Variants in LMNB2 observed in about 807,000 individuals in gnomAD.
The protein encoded by LMNB2 is lamin B2.
Under a neutral mutation model 69.3 loss-of-function variants are expected in LMNB2, and 17 were observed. The observed-to-expected ratio is 0.25, with a 90% CI of 0.17 to 0.37. The LOEUF (loss-of-function observed/expected upper bound fraction) is 0.37, where lower values mean the gene tolerates loss of function less well. LMNB2 is among the 10% of genes least tolerant of loss of function. The pLI is 1.00. For missense variants in LMNB2, 789 were observed against 883.6 expected (o/e 0.89, Z 1.36); for synonymous variants, 397 against 389.3 (o/e 1.02, Z -0.23).
intron 6 of LMNB2, 31 bp from the exon 7 acceptor site, chr19:2,434,546 G>A: frequency 1.2e-6 from 2 of 1,602,538 alleles, no homozygotes; most frequent in Non-Finnish European, 1.7e-6. Context: ...GAAGGTCAGG[G>A]CAGCCCATGG....
At chr19:2,441,488 G>A (rs1971900210) in intron 2 of LMNB2, among the ~76,000 whole-genome samples, 1 of 152,240 alleles carries the variant, frequency 6.6e-6, no homozygotes, top group African/African-American at 2.4e-5. Context: ...CCGCATCTCT[G>A]AGCACATGCC....
intron 1 of LMNB2, among the ~76,000 whole-genome samples, chr19:2,446,564 C>T (rs1341675152): frequency 6.6e-6 from 1 of 152,212 alleles, no homozygotes; most frequent in Non-Finnish European, 1.5e-5. Flanking sequence ...TCCCACAGGG[C>T]CATGCACTCA....
intron 8 of LMNB2, among the ~76,000 whole-genome samples, chr19:2,432,980 G>A (rs56035703): frequency 6.3e-5 from 3 of 47,328 alleles, no homozygotes; most frequent in Admixed American, 2.4e-4. Context: ...CGGTCTTTCC[G>A]GTCACCTTGT....
intron 4 of LMNB2, among the ~76,000 whole-genome samples, chr19:2,436,180 G>A (rs1272576659): frequency 6.6e-6 from 1 of 152,170 alleles, no homozygotes; most frequent in East Asian, 1.9e-4. Context: ...CTACTCAGGA[G>A]GCTGAGGCAG....
chr19:2,430,998 T>G, intron 11 of LMNB2, 46 bp from the exon 12 acceptor site: 1 of 1,391,290 alleles, frequency 7.2e-7, no homozygotes, highest in Non-Finnish European at 1.0e-6. Flanking sequence ...AGGGCCAGCC[T>G]GGAGGCAGCC....
At chr19:2,446,658 C>T (rs1203343787) in intron 1 of LMNB2, among the ~76,000 whole-genome samples, 2 of 152,214 alleles carry the variant, frequency 1.3e-5, no homozygotes, top group African/African-American at 2.4e-5. Context: ...GACAGACAGT[C>T]GCAGGTGCGG....
chr19:2,433,713 CCGGT>C (rs1971778434), intron 8 of LMNB2, 109 bp downstream of exon 8: 1 of 1,359,860 alleles, frequency 7.4e-7, no homozygotes, highest in African/African-American at 1.8e-5. Context: ...CCCGGTCATT[CCGGT>C]CACCTTGTCC....
chr19:2,453,980 C>A lies in LMNB2; in HGVS notation c.264+2690G>T, dbSNP rs1213050229. ...GCTCCAAGAGACACAGGGGCCTGCC[C>A]AAAGCCACACTAATTGAAAAGCAGG... On this transcript the variant is annotated intron_variant, in intron 1 of 11. Transcript: ENST00000325327. The surrounding 1 kb of genome is among the most constrained non-coding windows in gnomAD (Gnocchi z 4.4). Among the ~76,000 whole-genome samples, 1 of 152,178 alleles carries A rather than the reference C, an allele frequency of 6.6e-6. No homozygotes were observed. The highest frequency in any genetic ancestry group is 2.4e-5 in the African/African-American group (1 of 41,448).
At chr19:2,438,881 G>A (rs1971859661) in intron 2 of LMNB2, among the ~76,000 whole-genome samples, 1 of 152,134 alleles carries the variant, frequency 6.6e-6, no homozygotes, top group Non-Finnish European at 1.5e-5. Flanking sequence ...GGCCTTTGAA[G>A]GGTCAGCCTT....
chr19:2,436,674 C>G (rs1457131144), intron 4 of LMNB2: 1 of 154,084 alleles, frequency 6.5e-6, no homozygotes, highest in Non-Finnish European at 1.4e-5. Flanking sequence ...CTCGCCTCCA[C>G]GGCCACCCTC....
intron 1 of LMNB2, among the ~76,000 whole-genome samples, chr19:2,454,662 G>C (rs1028047579): frequency 6.6e-5 from 10 of 152,106 alleles, no homozygotes; most frequent in Non-Finnish European, 1.5e-4. Flanking sequence ...AGTGGGGACT[G>C]GGCGCTGCAA....
Position 2,438,530 on chromosome 19 carries a change from C to G in LMNB2, c.403G>C (p.Ala135Pro). 1.2e-6 allele frequency: 2 copies of G among 1,607,574 alleles called. No homozygotes were observed. The highest frequency in any genetic ancestry group is 2.2e-5 in the East Asian group (1 of 44,762). The stretch of plus-strand genomic sequence containing the variant: ...GTAAGCTCGCCCTCCCTCTTCTTGG[C>G]GCTGAAAGTCAAGAGGGCAAGTGAG... ...RAELDEVNKS[A>P]KKREGELTVA... The change falls in exon 3 of 12, where the codon GCC becomes CCC. Residue 135 changes from alanine to proline, a missense_variant and splice_region_variant. By Grantham distance (27) the Ala-to-Pro change is conservative. Transcript: ENST00000325327.
In LMNB2 at chr19:2,430,636, C is replaced by T. The variant is rs946303382; in HGVS notation, c.*275G>A. The stretch of plus-strand genomic sequence containing the variant: ...CTCCAAGCCCAAGCATCTTCTAAAC[C>T]TCCGGGTCCTGGCCCTGGGCTTCCA... On this transcript the variant is annotated 3_prime_UTR_variant, in exon 12 of 12. Transcript: ENST00000325327. 1.9e-6 allele frequency: 1 copy of T among 538,842 alleles called. No individual in the cohort carries two copies. Among genetic ancestry groups the T allele is most frequent in the African/African-American group, 1.9e-5 (1 of 52,646 alleles). 33.4% of individuals were successfully genotyped at this position (538,842 alleles called of 1,614,324 possible). A position where few individuals can be genotyped will look rare whatever the true frequency, so the allele number is the denominator to read the frequency against.
chr19:2,453,316 C>T lies in LMNB2; in HGVS notation c.264+3354G>A, dbSNP rs138554769. 1.3e-5 allele frequency among the ~76,000 whole-genome samples: 2 copies of T among 152,172 alleles called. No individual in the cohort carries two copies. The highest frequency in any genetic ancestry group is 2.1e-4 in the South Asian group (1 of 4,820). On this transcript the variant is annotated intron_variant, in intron 1 of 11. Transcript: ENST00000325327. The surrounding 1 kb of genome is among the most constrained non-coding windows in gnomAD (Gnocchi z 4.4). ...AGGCCTGACACCCCAGGTCCCTCCT[C>T]GTTCAGAGCTCCCTCCCCTGCCCCC...
chr19:2,446,817 A>G (rs1337377507), intron 1 of LMNB2, among the ~76,000 whole-genome samples: 1 of 152,174 alleles, frequency 6.6e-6, no homozygotes, highest in South Asian at 2.1e-4. Context: ...GACCCAGAAG[A>G]CATGAAATTC....
chr19:2,435,150 G>C lies in LMNB2; in HGVS notation c.706C>G (p.Arg236Gly), dbSNP rs774297966. 3 of 1,603,736 alleles carry C rather than the reference G, an allele frequency of 1.9e-6. No homozygotes were observed. The highest frequency in any genetic ancestry group is 2.5e-6 in the Non-Finnish European group (3 of 1,179,556). The change falls in exon 5 of 12, where the codon CGG becomes GGG. Residue 236 changes from arginine (R) to glycine (G), a missense_variant. Physicochemically the swap from Arg to Gly is moderately radical, Grantham distance 125. This residue lies in a region of LMNB2 where 609 missense variants were observed against 630.9 expected (regional missense o/e 0.97). Coordinates refer to ENST00000325327, the MANE Select transcript of LMNB2 (RefSeq NM_032737.4). ...FEEEVRETRRRHERRLVEVDS... is the reference protein window; with the variant it reads ...FEEEVRETRRGHERRLVEVDS... ...ACCTCCACCAGGCGCCGCTCGTGCC[G>C]CCGCCGCGTCTCCCGCACCTCCTGC...
At chr19:2,442,904 A>G (rs1971914305) in intron 2 of LMNB2, among the ~76,000 whole-genome samples, 1 of 152,186 alleles carries the variant, frequency 6.6e-6, no homozygotes. Flanking sequence ...TCAACATCTT[A>G]AAGTGAACAG....
At chr19:2,444,171 T>TGTGAGCTTAAGCTGCC (rs1971928223) in intron 2 of LMNB2, among the ~76,000 whole-genome samples, 1 of 152,188 alleles carries the variant, frequency 6.6e-6, no homozygotes, top group Admixed American at 6.5e-5. Context: ...AGATTTTACT[T>TGTGAGCTTAAGCTGCC]GTGAGCTTAA....
chr19:2,436,003 G>C (rs1033594148), intron 4 of LMNB2, among the ~76,000 whole-genome samples: 1 of 151,926 alleles, frequency 6.6e-6, no homozygotes, highest in African/African-American at 2.4e-5. Context: ...ACAAAAATTA[G>C]GCCGGGCACA....
Sources: allele counts gnomAD v4.1 joint callset (sites outside exome capture counted in the v4.1 genomes callset), GRCh38; gene constraint gnomAD v4.1.1; regional missense constraint gnomAD v4.1.1; non-coding constraint Gnocchi (gnomAD v3.1); transcripts MANE v1.5; gene names NCBI Gene and HGNC (gene_info 2026-07-23, HGNC 2026-07-21).